The following MAML3 variants were observed in gnomAD, a reference collection of about 807,000 sequenced individuals.
The protein encoded by MAML3 is mastermind like transcriptional coactivator 3, also known as mastermind-like protein 3.
Under a neutral mutation model 101.9 loss-of-function variants are expected in MAML3, and 27 were observed. The observed-to-expected ratio is 0.27, with a 90% CI of 0.20 to 0.37. The LOEUF (loss-of-function observed/expected upper bound fraction) is 0.37, where lower values mean the gene tolerates loss of function less well. Ranked by LOEUF, MAML3 falls within the 10% of genes least tolerant of loss-of-function variation. The pLI is 1.00. For missense variants in MAML3, 1,316 were observed against 1,444.9 expected (o/e 0.91, Z 1.45); for synonymous variants, 501 against 555.9 (o/e 0.90, Z 1.39).
intron 1 of MAML3, among the ~76,000 whole-genome samples, chr4:139,978,879 G>T (rs1015963627): frequency 1.3e-5 from 2 of 152,096 alleles, no homozygotes; most frequent in African/African-American, 2.4e-5. Context: ...TCCATTTCCA[G>T]ATGGCACTGA....
chr4:140,151,804 G>T (rs1023095869), intron 1 of MAML3, among the ~76,000 whole-genome samples: 2 of 152,168 alleles, frequency 1.3e-5, no homozygotes, highest in African/African-American at 4.8e-5. Flanking sequence ...CCGGCTTGGG[G>T]GGTGGGAACT....
chr4:139,881,976 G>A (rs1732229181), intron 2 of MAML3, among the ~76,000 whole-genome samples: 1 of 152,166 alleles, frequency 6.6e-6, no homozygotes, highest in Admixed American at 6.5e-5. Context: ...ACAGGTGTGA[G>A]AGCCACTGCT....
At chr4:140,080,655 G>C (rs1464170597) in intron 1 of MAML3, among the ~76,000 whole-genome samples, 1 of 152,184 alleles carries the variant, frequency 6.6e-6, no homozygotes, top group Non-Finnish European at 1.5e-5. Context: ...ACTCAACATG[G>C]AGGTAAGAAA....
intron 1 of MAML3, among the ~76,000 whole-genome samples, chr4:140,027,124 C>T (rs1331671989): frequency 6.6e-6 from 1 of 151,660 alleles, no homozygotes; most frequent in East Asian, 1.9e-4. Context: ...CCCAATGTCC[C>T]GACTCTATTA....
chr4:139,859,141 T>C (rs539291457), intron 2 of MAML3, among the ~76,000 whole-genome samples: 1 of 152,244 alleles, frequency 6.6e-6, no homozygotes, highest in East Asian at 1.9e-4. Flanking sequence ...AGTCAAATCA[T>C]GTCCCAGGCA....
chr4:140,075,741 T>C (rs1727754278), intron 1 of MAML3, among the ~76,000 whole-genome samples: 1 of 151,894 alleles, frequency 6.6e-6, no homozygotes, highest in Non-Finnish European at 1.5e-5. Context: ...TCTCCCTATG[T>C]TGCCCAGGCT....
At chr4:140,114,079 C>T (rs144360430) in intron 1 of MAML3, among the ~76,000 whole-genome samples, 210 of 152,252 alleles carry the variant, frequency 1.4e-3, no homozygotes, top group Non-Finnish European at 2.2e-3. Flanking sequence ...AAAAATGCTG[C>T]TAATTCCTCA....
intron 1 of MAML3, among the ~76,000 whole-genome samples, chr4:140,148,564 T>C (rs1353970907): frequency 6.6e-6 from 1 of 152,166 alleles, no homozygotes; most frequent in Non-Finnish European, 1.5e-5. Flanking sequence ...CAGAACAGGA[T>C]AAGCCAAAGA....
chr4:140,012,847 C>A (rs918028094), intron 1 of MAML3, among the ~76,000 whole-genome samples: 1 of 152,152 alleles, frequency 6.6e-6, no homozygotes, highest in Non-Finnish European at 1.5e-5. Flanking sequence ...AGAAATACAG[C>A]GCCGGTTAAC....
Position 139,730,461 on chromosome 4 carries a change from T to G in MAML3, c.2286A>C (p.Gln762His), listed in dbSNP as rs1339063155. 1.3e-6 allele frequency: 2 copies of G among 1,552,138 alleles called. No individual in the cohort carries two copies. The highest frequency in any genetic ancestry group is 3.9e-5 in the Admixed American group (2 of 51,066). ...GCTGCTGCTGCTGCTGCTGCTGCCTTTGCTCCCGCAGGAACTGTTGCTTCT... is the reference window on the plus strand; with the variant it reads ...GCTGCTGCTGCTGCTGCTGCTGCCTGTGCTCCCGCAGGAACTGTTGCTTCT... ...EQQKQQFLRE[Q>H]RQQQQQQQQQ... The change falls in exon 3 of 5, where the codon CAA becomes CAC. Residue 762 changes from glutamine (Q) to histidine (H), a missense_variant. Gln to His is a conservative substitution (Grantham distance 24). Transcript: ENST00000509479.
chr4:140,128,261 C>A (rs1285682344), intron 1 of MAML3, among the ~76,000 whole-genome samples: 2 of 152,150 alleles, frequency 1.3e-5, no homozygotes, highest in Non-Finnish European at 2.9e-5. Context: ...TCAGGAGGTG[C>A]AGAAGCCAAA....
At chr4:139,954,098 A>G (rs1733875999) in intron 1 of MAML3, among the ~76,000 whole-genome samples, 1 of 152,096 alleles carries the variant, frequency 6.6e-6, no homozygotes, top group African/African-American at 2.4e-5. Context: ...CACTTGAGAA[A>G]CCCTGTTCTC....
At chr4:140,150,383 G>C (rs1006223269) in intron 1 of MAML3, among the ~76,000 whole-genome samples, 2 of 152,142 alleles carry the variant, frequency 1.3e-5, no homozygotes, top group African/African-American at 4.8e-5. Flanking sequence ...GCGCACCCGA[G>C]CCCTCCCTCC....
At chr4:139,772,544 T>C (rs141037837) in intron 2 of MAML3, among the ~76,000 whole-genome samples, 2,422 of 151,692 alleles carry the variant, frequency 0.016, 80 homozygotes, top group African/African-American at 0.056. Context: ...AGTTTCCCCA[T>C]GTTGGCCAGG....
chr4:139,767,935 A>G (rs1455506287), intron 2 of MAML3, among the ~76,000 whole-genome samples: 3 of 152,226 alleles, frequency 2.0e-5, no homozygotes, highest in Admixed American at 2.0e-4. Flanking sequence ...CCAGAATGGC[A>G]TATTATATTC....
At chr4:139,960,937 G>C (rs1459017823) in intron 1 of MAML3, among the ~76,000 whole-genome samples, 1 of 152,218 alleles carries the variant, frequency 6.6e-6, no homozygotes, top group East Asian at 1.9e-4. Flanking sequence ...CAGGTGACTT[G>C]AGTTCAAAAG....
chr4:139,743,768 T>C (rs1175376853), intron 2 of MAML3, among the ~76,000 whole-genome samples: 1 of 152,210 alleles, frequency 6.6e-6, no homozygotes, highest in African/African-American at 2.4e-5. Flanking sequence ...GAACACTACC[T>C]CTTAATCATA....
At chr4:140,151,964 A>G (rs28494762) in intron 1 of MAML3, among the ~76,000 whole-genome samples, 19,898 of 152,208 alleles carry the variant, frequency 0.13, 1,655 homozygotes, top group East Asian at 0.28. Flanking sequence ...GCAGCGGGGC[A>G]GGGGGCGCCA....
chr4:139,954,932 T>C (rs1022318281), intron 1 of MAML3, among the ~76,000 whole-genome samples: 8 of 151,784 alleles, frequency 5.3e-5, no homozygotes, highest in African/African-American at 1.9e-4. Context: ...AGAATAACAA[T>C]GATAATAATA....
Sources: allele counts gnomAD v4.1 joint callset (sites outside exome capture counted in the v4.1 genomes callset), GRCh38; gene constraint gnomAD v4.1.1; transcripts MANE v1.5; gene names NCBI Gene and HGNC (gene_info 2026-07-23, HGNC 2026-07-21).